Variants in ARHGEF28 observed in about 807,000 individuals in gnomAD.
The protein encoded by ARHGEF28 is 190 kDa guanine nucleotide exchange factor.
Under a neutral mutation model 206.6 loss-of-function variants are expected in ARHGEF28, and 152 were observed. The ratio of observed to expected loss-of-function variants is 0.74; its 90% CI spans 0.64 to 0.84. The LOEUF (loss-of-function observed/expected upper bound fraction) is 0.84, where lower values mean the gene tolerates loss of function less well. Among genes scored for constraint, ARHGEF28 ranks in the 40% least tolerant of loss-of-function variants. The pLI, the probability that ARHGEF28 is intolerant of heterozygous loss-of-function variation, is 0.00. For missense variants in ARHGEF28, 2,028 were observed against 2,073.2 expected, an observed-to-expected ratio of 0.98 and a Z score of 0.42; for synonymous variants, 763 against 776.4, an observed-to-expected ratio of 0.98 and a Z score of 0.29.
intron 2 of ARHGEF28, among the ~76,000 whole-genome samples, chr5:73,713,465 G>A (rs1362134423): frequency 1.3e-5 from 2 of 152,212 alleles, no homozygotes; most frequent in Non-Finnish European, 2.9e-5. Flanking sequence ...ACGGGTGAGA[G>A]ATGTACTTGA....
At chr5:73,736,604 C>G (rs947514339) in intron 2 of ARHGEF28, among the ~76,000 whole-genome samples, 2 of 152,026 alleles carry the variant, frequency 1.3e-5, no homozygotes, top group Admixed American at 6.6e-5. Context: ...TCCTAAGCAA[C>G]CACAATTAAT....
intron 1 of ARHGEF28, among the ~76,000 whole-genome samples, chr5:73,632,201 A>C (rs1743412835): frequency 6.6e-6 from 1 of 152,178 alleles, no homozygotes; most frequent in South Asian, 2.1e-4. Flanking sequence ...GTTGGAAAAC[A>C]CTGGGGTACA....
chr5:73,673,891 T>TA (rs572241227), intron 1 of ARHGEF28, among the ~76,000 whole-genome samples: 29 of 151,900 alleles, frequency 1.9e-4, no homozygotes, highest in Admixed American at 5.9e-4. Flanking sequence ...AGACATACTG[T>TA]AGGCCGGGGC....
At chr5:73,750,083 C>T (rs1325607224) in intron 3 of ARHGEF28, 99 bp downstream of exon 3, 2 of 1,451,218 alleles carry the variant, frequency 1.4e-6, no homozygotes, top group Admixed American at 2.0e-5. Context: ...AAAAAGAAAA[C>T]AGTGCTGCAA....
At chr5:73,853,777 G>T (rs1297760109) in intron 14 of ARHGEF28, among the ~76,000 whole-genome samples, 2 of 152,046 alleles carry the variant, frequency 1.3e-5, no homozygotes, top group African/African-American at 4.8e-5. Flanking sequence ...CCTCATTCTG[G>T]AATTTGATCT....
At position 73,857,908 on chromosome 5, in the gene ARHGEF28, T is replaced by C. The variant is rs149184391; in HGVS notation, c.1914+129T>C. 4.8e-3 allele frequency: 6,695 copies of C among 1,389,400 alleles called. 24 individuals carry two copies. Among genetic ancestry groups the C allele is most frequent in the Non-Finnish European group, 5.8e-3 (5,987 of 1,034,030 alleles). 86.1% of individuals were successfully genotyped at this position (1,389,400 alleles called of 1,614,324 possible). A position where few individuals can be genotyped will look rare whatever the true frequency, so the allele number is the denominator to read the frequency against. On this transcript the variant is annotated intron_variant, in intron 15 of 35. Coordinates refer to ENST00000513042, the MANE Select transcript of ARHGEF28 (RefSeq NM_001177693.2). ...TTATTTACACATATTTCTTATGGAA[T>C]ATTGCTAAAGCCCAGAATATAACAT...
chr5:73,735,699 T>C (rs929587109), intron 2 of ARHGEF28, among the ~76,000 whole-genome samples: 1 of 152,214 alleles, frequency 6.6e-6, no homozygotes, highest in African/African-American at 2.4e-5. Context: ...GTTACTCCCC[T>C]GCTCAAAACT....
At chr5:73,803,760 C>G (rs1755275200) in intron 9 of ARHGEF28, among the ~76,000 whole-genome samples, 1 of 152,078 alleles carries the variant, frequency 6.6e-6, no homozygotes, top group Non-Finnish European at 1.5e-5. Context: ...GTTGATTCTT[C>G]ATAATATTTA....
chr5:73,669,862 T>A (rs1746198039), intron 1 of ARHGEF28, among the ~76,000 whole-genome samples: 1 of 152,184 alleles, frequency 6.6e-6, no homozygotes, highest in Non-Finnish European at 1.5e-5. Flanking sequence ...AATTTTTGTA[T>A]TTTTAGTAGA....
chr5:73,652,209 G>A (rs567272467), intron 1 of ARHGEF28, among the ~76,000 whole-genome samples: 1 of 152,284 alleles, frequency 6.6e-6, no homozygotes, highest in Admixed American at 6.5e-5. Context: ...TAGTTGAGAA[G>A]GTCACACTAG....
intron 1 of ARHGEF28, among the ~76,000 whole-genome samples, chr5:73,654,920 A>C (rs1383901946): frequency 6.6e-6 from 1 of 152,194 alleles, no homozygotes; most frequent in African/African-American, 2.4e-5. Flanking sequence ...TTCTGCCTCC[A>C]GATGGTGCAT....
rs371501558 is a variant in ARHGEF28 at position 73,852,711 on chromosome 5, A to G, written c.1790+19A>G. 112 of 1,612,070 alleles carry G rather than the reference A, an allele frequency of 6.9e-5. No homozygotes were observed. Among genetic ancestry groups the G allele is most frequent in the Admixed American group, 1.3e-4 (8 of 59,984 alleles). ...AAAACAGGTACTTTTAACTATTCCA[A>G]TTTTCCTGAGGAACTGCATGATCCT... On this transcript the variant is annotated intron_variant, in intron 14 of 35. Transcript: ENST00000513042.
intron 1 of ARHGEF28, among the ~76,000 whole-genome samples, chr5:73,676,430 G>A (rs939294395): frequency 3.9e-5 from 6 of 151,992 alleles, no homozygotes; most frequent in African/African-American, 1.5e-4. Context: ...GTAGAGATGG[G>A]GCTTCGCCAT....
chr5:73,941,189 C>T lies in ARHGEF28; in HGVS notation c.*176C>T, dbSNP rs1007708196. ...AGTCTAATTAAATTATTGAAAGCCA[C>T]CCTGTTTGTATAATCTTTAACTTAT... On this transcript the variant is annotated 3_prime_UTR_variant, in exon 36 of 36. Coordinates refer to ENST00000513042, the MANE Select transcript of ARHGEF28 (RefSeq NM_001177693.2). The T allele has an allele frequency of 8.9e-6, 4 of 451,550 alleles. No homozygotes were observed. The highest frequency in any genetic ancestry group is 4.6e-4 in the Middle Eastern group (1 of 2,152). The allele number at this position is 451,550 out of a possible 1,614,324, so 28.0% of individuals were successfully genotyped here. A position where few individuals can be genotyped will look rare whatever the true frequency, so the allele number is the denominator to read the frequency against.
intron 9 of ARHGEF28, among the ~76,000 whole-genome samples, chr5:73,800,087 A>G (rs1359809224): frequency 6.6e-6 from 1 of 152,206 alleles, no homozygotes; most frequent in Non-Finnish European, 1.5e-5. Flanking sequence ...AAGAGTAGAA[A>G]AAGAAATCCC....
At chr5:73,794,090 G>A (rs980613456) in intron 7 of ARHGEF28, among the ~76,000 whole-genome samples, 2 of 152,096 alleles carry the variant, frequency 1.3e-5, no homozygotes, top group African/African-American at 2.4e-5. Flanking sequence ...AAGAACTTGC[G>A]GTAGTGAGCA....
At chr5:73,933,987 T>C (rs1182122305) in intron 35 of ARHGEF28, among the ~76,000 whole-genome samples, 3 of 152,004 alleles carry the variant, frequency 2.0e-5, no homozygotes, top group Non-Finnish European at 4.4e-5. Flanking sequence ...TTGCATTTGG[T>C]TGGTGTGTCT....
intron 2 of ARHGEF28, among the ~76,000 whole-genome samples, chr5:73,720,023 TATTA>T (rs1464761625): frequency 6.6e-6 from 1 of 152,382 alleles, no homozygotes; most frequent in East Asian, 1.9e-4. Flanking sequence ...CAGATTCCAA[TATTA>T]ATTCTGCTTG....
At chr5:73,828,171 T>C (rs1757028400) in intron 9 of ARHGEF28, 1 of 152,228 alleles carries the variant, frequency 6.6e-6, no homozygotes, top group African/African-American at 2.4e-5. Flanking sequence ...TACTTGAAAG[T>C]GTCCTTTAAG....
Sources: allele counts gnomAD v4.1 joint callset (sites outside exome capture counted in the v4.1 genomes callset), GRCh38; gene constraint gnomAD v4.1.1; transcripts MANE v1.5; gene names NCBI Gene and HGNC (gene_info 2026-07-23, HGNC 2026-07-21).